The following PSD3 variants were observed in gnomAD, a reference collection of about 807,000 sequenced individuals.
PSD3 encodes the protein PH and SEC7 domain-containing protein 3.
Under a neutral mutation model 105.5 loss-of-function variants are expected in PSD3, and 49 were observed. The ratio of observed to expected loss-of-function variants is 0.46; its 90% CI spans 0.37 to 0.59. PSD3 has a LOEUF of 0.59. PSD3 is among the 20% of genes least tolerant of loss of function. The pLI is 0.00. For synonymous variants in PSD3, 557 were observed against 457.8 expected (o/e 1.22, Z -2.77); for missense variants, 1,561 against 1,263.8 (o/e 1.24, Z -3.57).
intron 9 of PSD3, among the ~76,000 whole-genome samples, chr8:18,757,590 T>TAATAGGAAG (rs1265368419): frequency 6.6e-6 from 1 of 152,216 alleles, no homozygotes; most frequent in Non-Finnish European, 1.5e-5. Context: ...GCAGAATCTC[T>TAATAGGAAG]AATAGGAAGC....
chr8:18,908,944 A>G (rs1820023712), intron 2 of PSD3, among the ~76,000 whole-genome samples: 1 of 152,204 alleles, frequency 6.6e-6, no homozygotes, highest in Non-Finnish European at 1.5e-5. Flanking sequence ...AGCCACACAC[A>G]AAACAAGAGT....
At chr8:19,044,448 TAAGCCC>T (rs1683249050) in intron 1 of PSD3, among the ~76,000 whole-genome samples, 1 of 152,224 alleles carries the variant, frequency 6.6e-6, no homozygotes. Context: ...ACTCTATCTT[TAAGCCC>T]ATTGACTAAT....
chr8:18,781,413 T>G (rs1322020927), intron 8 of PSD3, among the ~76,000 whole-genome samples: 1 of 152,194 alleles, frequency 6.6e-6, no homozygotes, highest in Non-Finnish European at 1.5e-5. Flanking sequence ...CAAGACACAA[T>G]CCCTATTAAA....
chr8:18,960,470 T>C (rs962437954), intron 1 of PSD3, among the ~76,000 whole-genome samples: 1 of 152,098 alleles, frequency 6.6e-6, no homozygotes. Context: ...AACCATAAAA[T>C]AATAGAAAGC....
At position 18,587,184 on chromosome 8, in the gene PSD3, G is replaced by A. The variant is rs369715920; in HGVS notation, c.2482-11899C>T. Among the ~76,000 whole-genome samples the A allele has an allele frequency of 2.4e-4, 36 of 152,248 alleles. 1 individual carries two copies. The East Asian group carries it at 6.2e-3, about 26-fold the overall frequency. On this transcript the variant is annotated intron_variant, in intron 12 of 15. Transcript: ENST00000327040. ...AGAGCACAGAGCGGAGAACAACATG[G>A]CACTCCCAGGTCACATGCCCCACAC...
chr8:18,819,679 T>C (rs1476082549), intron 4 of PSD3, among the ~76,000 whole-genome samples: 4 of 145,972 alleles, frequency 2.7e-5, no homozygotes, highest in Middle Eastern at 3.7e-3. Flanking sequence ...CCAGGGTTCA[T>C]GTGATTCGCC....
intron 9 of PSD3, among the ~76,000 whole-genome samples, chr8:18,709,733 C>G (rs1802132142): frequency 6.6e-6 from 1 of 152,104 alleles, no homozygotes; most frequent in African/African-American, 2.4e-5. Flanking sequence ...AGTGGAACCC[C>G]AGAAACCACA....
intron 1 of PSD3, among the ~76,000 whole-genome samples, chr8:19,032,363 C>T (rs1450992925): frequency 6.6e-6 from 1 of 152,086 alleles, no homozygotes; most frequent in African/African-American, 2.4e-5. Context: ...TTGAAAGCAG[C>T]TGGGTGTGGT....
At chr8:18,767,392 G>C (rs1473157424) in intron 8 of PSD3, among the ~76,000 whole-genome samples, 1 of 152,178 alleles carries the variant, frequency 6.6e-6, no homozygotes, top group Admixed American at 6.5e-5. Context: ...GCACAGAGAA[G>C]TGTCACAGGT....
chr8:19,029,649 T>C lies in PSD3; in HGVS notation c.324+54557A>G, dbSNP rs539150844. On this transcript the variant is annotated intron_variant, in intron 1 of 1. Transcript: ENST00000521475. ...AGGGTGAACATCTCCATGACTAAATTACCTCCCAATGGGTTCCTCTTACCA... is the reference window on the plus strand; with the variant it reads ...AGGGTGAACATCTCCATGACTAAATCACCTCCCAATGGGTTCCTCTTACCA... 3.3e-5 allele frequency among the ~76,000 whole-genome samples: 5 copies of C among 152,194 alleles called. No individual in the cohort carries two copies. In the East Asian group the frequency reaches 9.7e-4, roughly 29 times the overall value.
chr8:18,923,595 C>A (rs1485602119), intron 2 of PSD3, among the ~76,000 whole-genome samples: 2 of 152,122 alleles, frequency 1.3e-5, no homozygotes. Flanking sequence ...GTATTCAATA[C>A]AGTAATATGC....
chr8:18,752,537 T>TTA (rs1554489456), intron 9 of PSD3, among the ~76,000 whole-genome samples: 2 of 30,880 alleles, frequency 6.5e-5, no homozygotes, highest in South Asian at 1.3e-3. Context: ...TAATTATATA[T>TTA]TATATATATT....
At chr8:19,053,348 C>T (rs1421067907) in intron 1 of PSD3, among the ~76,000 whole-genome samples, 1 of 152,122 alleles carries the variant, frequency 6.6e-6, no homozygotes, top group Non-Finnish European at 1.5e-5. Flanking sequence ...CCACTCCTCT[C>T]TTCTTGAAAG....
chr8:18,547,421 C>G (rs1800513448), intron 15 of PSD3, among the ~76,000 whole-genome samples: 1 of 152,152 alleles, frequency 6.6e-6, no homozygotes, highest in Admixed American at 6.5e-5. Flanking sequence ...GCAATGGAAG[C>G]TGGTGGGGAT....
intron 9 of PSD3, among the ~76,000 whole-genome samples, chr8:18,672,873 C>G (rs1799860713): frequency 1.3e-5 from 2 of 152,156 alleles, no homozygotes; most frequent in South Asian, 4.2e-4. Context: ...ATTTGTTAAA[C>G]CCAAAGTTAA....
At chr8:18,865,278 ATATATATATTTTTTTTTTTTTT>A (rs1816835124) in intron 4 of PSD3, 1 of 2,402 alleles carries the variant, frequency 4.2e-4, no homozygotes, top group African/African-American at 1.7e-3. Context: ...ATATATATAT[ATATATATATTTTTTTTTTTTTT>A]TTTTTTTTTA....
At chr8:18,800,325 T>C (rs542672764) in intron 7 of PSD3, among the ~76,000 whole-genome samples, 12 of 152,332 alleles carry the variant, frequency 7.9e-5, no homozygotes, top group Admixed American at 7.8e-4. Flanking sequence ...TAGCATCAGT[T>C]TACCGATAGG....
chr8:18,928,764 CTT>C (rs1305686027), intron 2 of PSD3, among the ~76,000 whole-genome samples: 2 of 146,672 alleles, frequency 1.4e-5, no homozygotes. Context: ...TTGTTTCTTT[CTT>C]TGTTTCCTTC....
At chr8:18,977,406 C>G (rs1825002117) in intron 1 of PSD3, among the ~76,000 whole-genome samples, 3 of 152,024 alleles carry the variant, frequency 2.0e-5, no homozygotes, top group Admixed American at 2.0e-4. Flanking sequence ...CTTCTGATGG[C>G]TTTTGTGGGG....
Sources: gnomAD v4.1 joint callset for allele counts (sites outside exome capture counted in the v4.1 genomes callset) on GRCh38, gnomAD v4.1.1 for gene constraint, MANE v1.5 for transcripts, NCBI Gene and HGNC (gene_info 2026-07-23, HGNC 2026-07-21) for gene names.